GABRG1: variants seen among roughly 807,000 people sequenced by gnomAD.
The protein encoded by GABRG1 is gamma-aminobutyric acid receptor subunit gamma-1.
In GABRG1, 49 loss-of-function variants were observed where a neutral mutation model predicts 49.8. The ratio of observed to expected loss-of-function variants is 0.98; its 90% CI spans 0.78 to 1.25. The LOEUF (loss-of-function observed/expected upper bound fraction) is 1.25. GABRG1 is among the 50% of genes most tolerant of loss of function. The pLI, the probability that GABRG1 is intolerant of heterozygous loss-of-function variation, is 0.00. For synonymous variants in GABRG1, 232 were observed against 185.1 expected, an observed-to-expected ratio of 1.25 and a Z score of -2.06; for missense variants, 552 against 552.3, an observed-to-expected ratio of 1.00 and a Z score of 0.01.
At chr4:46,069,365 A>G (rs1719034895) in intron 3 of GABRG1, among the ~76,000 whole-genome samples, 1 of 152,108 alleles carries the variant, frequency 6.6e-6, no homozygotes, top group African/African-American at 2.4e-5. Flanking sequence ...AAAAAGTACA[A>G]GTACAGCTAA....
intron 2 of GABRG1, among the ~76,000 whole-genome samples, chr4:46,093,346 C>T (rs1167609171): frequency 5.3e-5 from 8 of 151,696 alleles, no homozygotes; most frequent in Admixed American, 5.3e-4. Context: ...GTGAAATAAA[C>T]CAGGCACAGA....
intron 2 of GABRG1, among the ~76,000 whole-genome samples, chr4:46,084,541 T>C (rs1405494822): frequency 1.3e-5 from 2 of 151,648 alleles, no homozygotes; most frequent in African/African-American, 4.8e-5. Context: ...GCTACCAAAC[T>C]TCAGTGAAAA....
chr4:46,063,886 G>A (rs1718808036), intron 5 of GABRG1, among the ~76,000 whole-genome samples: 1 of 151,948 alleles, frequency 6.6e-6, no homozygotes, highest in South Asian at 2.1e-4. Context: ...AATATACCCG[G>A]TTTTTATACT....
chr4:46,097,093 C>A (rs1006450151), intron 2 of GABRG1, 108 bp downstream of exon 2: 17 of 942,784 alleles, frequency 1.8e-5, no homozygotes, highest in Non-Finnish European at 2.5e-5. Flanking sequence ...TCAGCAGATT[C>A]TCTGACATAC....
chr4:46,069,647 T>G (rs17536162), intron 3 of GABRG1, among the ~76,000 whole-genome samples: 3,337 of 152,236 alleles, frequency 0.022, 40 homozygotes, highest in Non-Finnish European at 0.036. Context: ...TGTGCTCTCT[T>G]TTTATATCTA....
At chr4:46,096,109 A>G (rs1720155681) in intron 2 of GABRG1, among the ~76,000 whole-genome samples, 1 of 151,846 alleles carries the variant, frequency 6.6e-6, no homozygotes, top group Non-Finnish European at 1.5e-5. Context: ...TGTAGCCTCC[A>G]GCATATATTG....
At chr4:46,080,152 A>G (rs1719510898) in intron 3 of GABRG1, among the ~76,000 whole-genome samples, 1 of 151,836 alleles carries the variant, frequency 6.6e-6, no homozygotes, top group Non-Finnish European at 1.5e-5. Context: ...CCAAGTTTAA[A>G]AAGAAACACC....
chr4:46,056,496 A>G (rs1718455881), intron 7 of GABRG1, among the ~76,000 whole-genome samples: 1 of 152,054 alleles, frequency 6.6e-6, no homozygotes, highest in Admixed American at 6.6e-5. Flanking sequence ...ATAAAATAGC[A>G]AATATCATAC....
chr4:46,118,231 A>G lies in GABRG1; in HGVS notation c.104+5579T>C, dbSNP rs896346304. Among the ~76,000 whole-genome samples the G allele has an allele frequency of 4.8e-5, 7 of 145,990 alleles. No homozygotes were observed. In the Admixed American group the frequency reaches 4.8e-4, roughly 10 times the overall value. Reference sequence around the variant, plus strand: ...ACCCTTTCCTCAGATGTAAGGATATATATTACATATAGATCTATCTATCTA... The same window carrying G: ...ACCCTTTCCTCAGATGTAAGGATATGTATTACATATAGATCTATCTATCTA... On this transcript the variant is annotated intron_variant, in intron 1 of 8. Coordinates refer to ENST00000295452, the MANE Select transcript of GABRG1 (RefSeq NM_173536.4).
At chr4:46,075,044 A>T (rs1719273170) in intron 3 of GABRG1, among the ~76,000 whole-genome samples, 1 of 151,918 alleles carries the variant, frequency 6.6e-6, no homozygotes, top group African/African-American at 2.4e-5. Flanking sequence ...CTCTATGATC[A>T]TGAAAACATT....
At chr4:46,073,049 T>C (rs1323763747) in intron 3 of GABRG1, among the ~76,000 whole-genome samples, 1 of 151,986 alleles carries the variant, frequency 6.6e-6, no homozygotes, top group Non-Finnish European at 1.5e-5. Flanking sequence ...TCATATGCCA[T>C]AAAATAATTT....
intron 8 of GABRG1, among the ~76,000 whole-genome samples, chr4:46,045,132 A>C (rs1425257629): frequency 2.6e-5 from 4 of 152,132 alleles, no homozygotes; most frequent in Non-Finnish European, 5.9e-5. Context: ...GAAAATGAAC[A>C]GCTGGAATTA....
At chr4:46,060,555 G>T (rs933382958) in intron 5 of GABRG1, among the ~76,000 whole-genome samples, 3 of 151,954 alleles carry the variant, frequency 2.0e-5, no homozygotes, top group African/African-American at 7.2e-5. Context: ...TAAAATTTTT[G>T]TTTTCAACCG....
At chr4:46,043,401 T>C (rs531857476) in intron 8 of GABRG1, among the ~76,000 whole-genome samples, 2 of 152,000 alleles carry the variant, frequency 1.3e-5, no homozygotes, top group Non-Finnish European at 2.9e-5. Flanking sequence ...AGTTCATGAA[T>C]TGAAAGAAAC....
intron 5 of GABRG1, among the ~76,000 whole-genome samples, chr4:46,063,390 A>G (rs972575325): frequency 6.6e-6 from 1 of 152,134 alleles, no homozygotes; most frequent in Non-Finnish European, 1.5e-5. Flanking sequence ...CTGATCTTTG[A>G]CAAAGCTGAG....
intron 5 of GABRG1, among the ~76,000 whole-genome samples, chr4:46,062,023 C>T (rs1433856529): frequency 9.7e-6 from 1 of 103,130 alleles, no homozygotes. Context: ...CTATCCCTCC[C>T]CCCTCCCCCC....
At chr4:46,123,200 TA>T (rs11310859) in intron 1 of GABRG1, among the ~76,000 whole-genome samples, 18,489 of 149,358 alleles carry the variant, frequency 0.12, 3,073 homozygotes, top group African/African-American at 0.38. Context: ...CAGCCAATTT[TA>T]AAAAAAAACA....
intron 2 of GABRG1, among the ~76,000 whole-genome samples, chr4:46,087,965 G>T (rs758793417): frequency 3.9e-5 from 6 of 151,952 alleles, no homozygotes; most frequent in Admixed American, 2.6e-4. Context: ...AATTTAAATA[G>T]AAATTAATTG....
intron 7 of GABRG1, among the ~76,000 whole-genome samples, 199 bp downstream of exon 7, chr4:46,058,018 A>G (rs1293860624): frequency 6.6e-6 from 1 of 152,084 alleles, no homozygotes; most frequent in Admixed American, 6.6e-5. Context: ...TGAAATTTCA[A>G]GTTCTTTACA....
Sources: gnomAD v4.1 joint callset for allele counts (sites outside exome capture counted in the v4.1 genomes callset) on GRCh38, gnomAD v4.1.1 for gene constraint, MANE v1.5 for transcripts, NCBI Gene and HGNC (gene_info 2026-07-23, HGNC 2026-07-21) for gene names.